The following CNTN5 variants were observed in gnomAD, a reference collection of about 807,000 sequenced individuals.
The protein encoded by CNTN5 is contactin-5.
Under a neutral mutation model 129.1 loss-of-function variants are expected in CNTN5, and 77 were observed. The ratio of observed to expected loss-of-function variants is 0.60; its 90% CI spans 0.50 to 0.72. The LOEUF is 0.72. CNTN5 is among the 30% of genes least tolerant of loss of function. The pLI is 0.00. For missense variants in CNTN5, 1,478 were observed against 1,328.8 expected, an observed-to-expected ratio of 1.11 and a Z score of -1.75; for synonymous variants, 509 against 465.6, an observed-to-expected ratio of 1.09 and a Z score of -1.20.
At chr11:100,257,796 C>T (rs549724859) in intron 17 of CNTN5, among the ~76,000 whole-genome samples, 118 of 152,196 alleles carry the variant, frequency 7.8e-4, no homozygotes, top group African/African-American at 2.0e-3. Context: ...TCACCAACAT[C>T]GAAGACCAAA....
chr11:99,205,173 A>T (rs1859414693), intron 1 of CNTN5, among the ~76,000 whole-genome samples: 1 of 127,550 alleles, frequency 7.8e-6, no homozygotes, highest in Admixed American at 7.7e-5. Context: ...GCAAACAAAC[A>T]AACAAAAAAA....
At chr11:99,676,813 A>C (rs1953308360) in intron 3 of CNTN5, among the ~76,000 whole-genome samples, 2 of 152,184 alleles carry the variant, frequency 1.3e-5, no homozygotes, top group South Asian at 4.1e-4. Context: ...TTACAAAGGA[A>C]AATTTATTAC....
At chr11:99,301,928 G>T (rs1233847193) in intron 1 of CNTN5, among the ~76,000 whole-genome samples, 1 of 151,224 alleles carries the variant, frequency 6.6e-6, no homozygotes, top group Non-Finnish European at 1.5e-5. Flanking sequence ...AGAGAAGAGA[G>T]TTTTAAAAAT....
intron 16 of CNTN5, among the ~76,000 whole-genome samples, chr11:100,234,792 T>TAAAAAAAAAAAAAAAAAAA (rs781363668): frequency 9.8e-6 from 1 of 102,066 alleles, no homozygotes; most frequent in Non-Finnish European, 1.9e-5. Context: ...TCCCAGAATT[T>TAAAAAAAAAAAAAAAAAAA]AAAAAAAAAA....
intron 1 of CNTN5, among the ~76,000 whole-genome samples, chr11:99,128,804 C>T (rs1409047655): frequency 1.3e-5 from 2 of 152,082 alleles, no homozygotes; most frequent in African/African-American, 4.8e-5. Context: ...ACAGCCTCCA[C>T]TGGTGATATC....
At chr11:99,183,236 A>C (rs749546603) in intron 1 of CNTN5, among the ~76,000 whole-genome samples, 1 of 152,192 alleles carries the variant, frequency 6.6e-6, no homozygotes, top group Non-Finnish European at 1.5e-5. Flanking sequence ...CTTATCAGGC[A>C]GTGATGAAAT....
intron 8 of CNTN5, among the ~76,000 whole-genome samples, chr11:99,974,833 T>G (rs1050824590): frequency 1.1e-4 from 17 of 152,238 alleles, no homozygotes; most frequent in African/African-American, 3.9e-4. Context: ...TAGGTTTTCC[T>G]TCACAGTGTC....
intron 3 of CNTN5, among the ~76,000 whole-genome samples, chr11:99,652,413 A>G (rs568656769): frequency 3.3e-5 from 5 of 152,078 alleles, no homozygotes; most frequent in African/African-American, 4.8e-5. Flanking sequence ...AAAGTAACCT[A>G]ATCAAGAGAG....
chr11:99,306,685 G>A (rs1222165407), intron 1 of CNTN5, among the ~76,000 whole-genome samples: 1 of 151,218 alleles, frequency 6.6e-6, no homozygotes, highest in African/African-American at 2.4e-5. Flanking sequence ...AGTGAGCCAA[G>A]ATCGTGCCAC....
intron 7 of CNTN5, among the ~76,000 whole-genome samples, chr11:99,919,676 C>A (rs7928236): frequency 0.09 from 13,748 of 151,946 alleles, 1,307 homozygotes; most frequent in African/African-American, 0.24. Flanking sequence ...TATAATTGTG[C>A]CTTCATCACC....
At position 99,737,431 on chromosome 11, in the gene CNTN5, A is replaced by C. The variant is rs185281542; in HGVS notation, c.56-82113A>C. On this transcript the variant is annotated intron_variant, in intron 3 of 24. Transcript: ENST00000524871. ...CATCTTCTTTCTGACCAGTGAATTA[A>C]GAAGATTAGAACTACATTCCAGGTA... 6.6e-5 allele frequency among the ~76,000 whole-genome samples: 10 copies of C among 152,320 alleles called. No individual in the cohort carries two copies. In the East Asian group the frequency reaches 1.7e-3, roughly 26 times the overall value.
intron 17 of CNTN5, among the ~76,000 whole-genome samples, chr11:100,268,593 A>C (rs887202591): frequency 6.6e-6 from 1 of 152,212 alleles, no homozygotes; most frequent in Non-Finnish European, 1.5e-5. Context: ...AGTTTTAGCT[A>C]TATGGAGGTC....
intron 3 of CNTN5, among the ~76,000 whole-genome samples, chr11:99,609,189 C>T (rs1367383963): frequency 1.3e-5 from 2 of 152,090 alleles, no homozygotes; most frequent in African/African-American, 2.4e-5. Context: ...CTTATTTATA[C>T]TTATGGTTGT....
At chr11:99,383,415 C>T (rs774575955) in intron 2 of CNTN5, among the ~76,000 whole-genome samples, 4 of 152,296 alleles carry the variant, frequency 2.6e-5, no homozygotes, top group Admixed American at 6.5e-5. Context: ...ATGTACTACA[C>T]AGAAAATATT....
chr11:99,138,566 G>T (rs893545891), intron 1 of CNTN5, among the ~76,000 whole-genome samples: 2 of 152,136 alleles, frequency 1.3e-5, no homozygotes, highest in Admixed American at 6.5e-5. Context: ...TAAAGAAATG[G>T]TTGCATCAGC....
chr11:100,116,475 A>C (rs1421384516), intron 13 of CNTN5, among the ~76,000 whole-genome samples: 7 of 151,806 alleles, frequency 4.6e-5, no homozygotes, highest in Non-Finnish European at 8.8e-5. Context: ...TTCAGGTATC[A>C]CTGATTACTG....
At chr11:100,097,055 A>T (rs1945034648) in intron 13 of CNTN5, among the ~76,000 whole-genome samples, 1 of 152,146 alleles carries the variant, frequency 6.6e-6, no homozygotes, top group African/African-American at 2.4e-5. Context: ...GATCAACAAA[A>T]TTCTAACTGA....
chr11:100,280,838 C>A (rs1028263152), intron 18 of CNTN5, among the ~76,000 whole-genome samples: 8 of 151,848 alleles, frequency 5.3e-5, no homozygotes, highest in African/African-American at 1.9e-4. Flanking sequence ...TTTTGTGTAT[C>A]CCTTGTAAGT....
intron 23 of CNTN5, among the ~76,000 whole-genome samples, chr11:100,343,315 A>G (rs1952207152): frequency 6.6e-6 from 1 of 152,244 alleles, no homozygotes; most frequent in East Asian, 1.9e-4. Context: ...TATATCCCTG[A>G]GAAGGAAGAA....
Sources: allele counts gnomAD v4.1 joint callset (sites outside exome capture counted in the v4.1 genomes callset), GRCh38; gene constraint gnomAD v4.1.1; transcripts MANE v1.5; gene names NCBI Gene and HGNC (gene_info 2026-07-23, HGNC 2026-07-21).